CCDC85A: variants seen among roughly 807,000 people sequenced by gnomAD.
CCDC85A encodes the protein coiled-coil domain containing 85A.
A neutral mutation model predicts 50.2 loss-of-function variants in CCDC85A; 38 were observed. The ratio of observed to expected loss-of-function variants is 0.76; its 90% CI spans 0.58 to 0.99. The LOEUF is 0.99. Ranked by LOEUF, CCDC85A falls within the 50% of genes least tolerant of loss-of-function variation. The pLI is 0.00. For missense variants in CCDC85A, 820 were observed against 742.0 expected (o/e 1.11, Z -1.22); for synonymous variants, 366 against 301.4 (o/e 1.21, Z -2.22).
At chr2:56,384,084 A>T (rs911890870) in intron 5 of CCDC85A, among the ~76,000 whole-genome samples, 182 bp from the exon 6 acceptor site, 1 of 151,800 alleles carries the variant, frequency 6.6e-6, no homozygotes, top group Non-Finnish European at 1.5e-5. Context: ...ACTACTAAGT[A>T]GTTCTTGTGT....
intron 2 of CCDC85A, among the ~76,000 whole-genome samples, chr2:56,326,705 A>G (rs531146045): frequency 6.6e-6 from 1 of 152,298 alleles, no homozygotes; most frequent in African/African-American, 2.4e-5. Flanking sequence ...TTTAGTTAGA[A>G]TAGTTTTATC....
intron 3 of CCDC85A, among the ~76,000 whole-genome samples, chr2:56,352,321 T>G (rs1674991748): frequency 6.6e-6 from 1 of 152,150 alleles, no homozygotes; most frequent in Non-Finnish European, 1.5e-5. Context: ...TAAGACAGTT[T>G]AAGTGAATAC....
chr2:56,249,033 C>G (rs771295203), intron 2 of CCDC85A, among the ~76,000 whole-genome samples: 1 of 152,160 alleles, frequency 6.6e-6, no homozygotes. Context: ...GAATGCAGCC[C>G]AAGATGACAA....
At chr2:56,298,982 T>C (rs897547666) in intron 2 of CCDC85A, among the ~76,000 whole-genome samples, 1 of 152,156 alleles carries the variant, frequency 6.6e-6, no homozygotes, top group Non-Finnish European at 1.5e-5. Context: ...GTCATTCTCA[T>C]TACCATTTGG....
intron 5 of CCDC85A, among the ~76,000 whole-genome samples, chr2:56,376,689 A>T (rs1004005724): frequency 6.6e-6 from 1 of 152,242 alleles, no homozygotes; most frequent in East Asian, 1.9e-4. Context: ...AACACAGGTG[A>T]TAAAAATCAT....
chr2:56,186,440 T>C (rs80178907), intron 1 of CCDC85A, among the ~76,000 whole-genome samples: 7,647 of 152,250 alleles, frequency 0.05, 259 homozygotes, highest in South Asian at 0.12. Flanking sequence ...GTTATGATTA[T>C]GTAGGGGAAG....
chr2:56,329,440 T>C (rs565453641), intron 2 of CCDC85A, among the ~76,000 whole-genome samples: 3 of 152,352 alleles, frequency 2.0e-5, no homozygotes, highest in African/African-American at 7.2e-5. Flanking sequence ...TTAATAAATA[T>C]ATGTTAACAG....
At chr2:56,304,939 AAAAC>A (rs1343344533) in intron 2 of CCDC85A, among the ~76,000 whole-genome samples, 227 of 138,704 alleles carry the variant, frequency 1.6e-3, no homozygotes, top group Non-Finnish European at 2.8e-3. Context: ...AACAAACAAA[AAAAC>A]AAAAAAAAAA....
chr2:56,212,700 T>C (rs926462342), intron 2 of CCDC85A, among the ~76,000 whole-genome samples: 3 of 152,016 alleles, frequency 2.0e-5, no homozygotes, highest in African/African-American at 7.2e-5. Context: ...GTGACACATT[T>C]CTTAGTGCCC....
chr2:56,312,052 G>A lies in CCDC85A; in HGVS notation c.1241-30827G>A, dbSNP rs1672718136. Among the ~76,000 whole-genome samples, 3 of 152,088 alleles carry A rather than the reference G, an allele frequency of 2.0e-5. No homozygotes were observed. In the South Asian group the frequency reaches 6.2e-4, roughly 31 times the overall value. On this transcript the variant is annotated intron_variant, in intron 2 of 5. Transcript: ENST00000407595. ...CACTTGCTTCTGAGTGGCACTGTTT[G>A]GCTGTGATATTGGGCATCTGCTTTT... is the stretch of plus-strand genomic sequence containing the variant.
chr2:56,385,093 T>A lies in CCDC85A; in HGVS notation c.*738T>A, dbSNP rs879829277. On this transcript the variant is annotated 3_prime_UTR_variant, in exon 6 of 6. Coordinates refer to ENST00000407595, the MANE Select transcript of CCDC85A (RefSeq NM_001080433.2). The stretch of plus-strand genomic sequence containing the variant: ...AATGAGTTTCTCATAAAGACACATC[T>A]TGGGGCATACCAACCTTCATATTCA... The A allele has an allele frequency of 6.6e-6, 1 of 152,122 alleles. No individual in the cohort carries two copies. The allele number at this position is 152,122 out of a possible 1,614,324, so 9.4% of individuals were successfully genotyped here. A position where few individuals can be genotyped will look rare whatever the true frequency, so the allele number is the denominator to read the frequency against.
At chr2:56,355,336 A>T (rs1399140106) in intron 3 of CCDC85A, among the ~76,000 whole-genome samples, 1 of 152,202 alleles carries the variant, frequency 6.6e-6, no homozygotes, top group Non-Finnish European at 1.5e-5. Context: ...GTTGGTCAAG[A>T]GACAGTCTGT....
At chr2:56,350,573 A>G (rs912224470) in intron 3 of CCDC85A, among the ~76,000 whole-genome samples, 40 of 152,280 alleles carry the variant, frequency 2.6e-4, no homozygotes, top group African/African-American at 9.1e-4. Flanking sequence ...TGTGGATATC[A>G]AAAAAGCAGT....
intron 2 of CCDC85A, among the ~76,000 whole-genome samples, chr2:56,314,219 C>A (rs910651009): frequency 1.3e-5 from 2 of 151,100 alleles, no homozygotes; most frequent in Non-Finnish European, 1.5e-5. Flanking sequence ...GGCATAGCTG[C>A]CGAGCAGAAT....
intron 2 of CCDC85A, among the ~76,000 whole-genome samples, chr2:56,292,058 C>T (rs1264625799): frequency 6.6e-6 from 1 of 152,140 alleles, no homozygotes; most frequent in Non-Finnish European, 1.5e-5. Context: ...ATCACAGGCA[C>T]ATTCTGAGAT....
At chr2:56,226,718 C>T (rs549229192) in intron 2 of CCDC85A, among the ~76,000 whole-genome samples, 7 of 152,104 alleles carry the variant, frequency 4.6e-5, no homozygotes, top group Non-Finnish European at 8.8e-5. Flanking sequence ...AACCATTCCC[C>T]AGCCCTCCTA....
At chr2:56,241,578 G>T (rs114682438) in intron 2 of CCDC85A, among the ~76,000 whole-genome samples, 1,659 of 152,140 alleles carry the variant, frequency 0.011, 32 homozygotes, top group African/African-American at 0.038. Flanking sequence ...AAGTGAGAAT[G>T]TGCAGTTTGT....
At chr2:56,305,946 T>C (rs1431349937) in intron 2 of CCDC85A, among the ~76,000 whole-genome samples, 1 of 152,172 alleles carries the variant, frequency 6.6e-6, no homozygotes, top group Non-Finnish European at 1.5e-5. Context: ...GAACTATAAA[T>C]TCACTCCAAG....
At chr2:56,365,034 C>T (rs1022039723) in intron 3 of CCDC85A, among the ~76,000 whole-genome samples, 6 of 152,138 alleles carry the variant, frequency 3.9e-5, no homozygotes, top group Admixed American at 3.3e-4. Context: ...GGGAGATTTC[C>T]CATGCAACTC....
Sources: gnomAD v4.1 joint callset for allele counts (sites outside exome capture counted in the v4.1 genomes callset) on GRCh38, gnomAD v4.1.1 for gene constraint, MANE v1.5 for transcripts, NCBI Gene and HGNC (gene_info 2026-07-23, HGNC 2026-07-21) for gene names.